The following SYT10 variants were observed in gnomAD, a reference collection of about 807,000 sequenced individuals.
SYT10 encodes the protein synaptotagmin 10, also known as synaptotagmin-10.
In SYT10, 31 loss-of-function variants were observed where a neutral mutation model predicts 51.1. The ratio of observed to expected loss-of-function variants is 0.61; its 90% CI spans 0.46 to 0.82. SYT10 has a LOEUF of 0.82. Ranked by LOEUF, SYT10 falls within the 40% of genes least tolerant of loss-of-function variation. SYT10 has a pLI of 0.00. For missense variants in SYT10, 603 were observed against 634.0 expected, an observed-to-expected ratio of 0.95 and a Z score of 0.53; for synonymous variants, 233 against 225.9, an observed-to-expected ratio of 1.03 and a Z score of -0.28.
At chr12:33,403,583 T>C (rs955209526) in intron 3 of SYT10, among the ~76,000 whole-genome samples, 11 of 152,158 alleles carry the variant, frequency 7.2e-5, no homozygotes, top group African/African-American at 2.4e-4. Flanking sequence ...TAAACTCTTT[T>C]ATGTCTGTGT....
chr12:33,409,601 C>T (rs1339003976), intron 2 of SYT10, among the ~76,000 whole-genome samples: 2 of 151,880 alleles, frequency 1.3e-5, no homozygotes, highest in Non-Finnish European at 2.9e-5. Context: ...GCGAGCTCCG[C>T]CTCCCAGGTT....
At chr12:33,412,347 C>T (rs564429511) in intron 2 of SYT10, among the ~76,000 whole-genome samples, 1 of 151,408 alleles carries the variant, frequency 6.6e-6, no homozygotes, top group Non-Finnish European at 1.5e-5. Context: ...TTAAGACAAG[C>T]TTTAATTATT....
chr12:33,407,045 T>C lies in SYT10; in HGVS notation c.821A>G (p.Tyr274Cys). The C allele has an allele frequency of 6.2e-7, 1 of 1,614,208 alleles. No homozygotes were observed. The highest frequency in any genetic ancestry group is 8.5e-7 in the Non-Finnish European group (1 of 1,180,032). Residue 274 changes from tyrosine (Y) to cysteine (C), a missense_variant, in exon 3 of 7, where the codon TAT (tyrosine) becomes TGT (cysteine). Physicochemically the swap from Tyr to Cys is radical, Grantham distance 194 (BLOSUM62 -2). Transcript: ENST00000228567. ...TGTSDPYVKM[Y>C]LLPDRKKKFQ... ...TTTCTTTTTCCTATCTGGAAGAAGA[T>C]ACATCTTCACATAAGGGTCAGAAGT...
Position 33,379,823 on chromosome 12 carries a change from C to T in SYT10, c.1500+9G>A. 1 of 1,613,630 alleles carries T rather than the reference C, an allele frequency of 6.2e-7. No individual in the cohort carries two copies. The highest frequency in any genetic ancestry group is 8.5e-7 in the Non-Finnish European group (1 of 1,179,758). On this transcript the variant is annotated intron_variant, in intron 6 of 6. Coordinates refer to ENST00000228567, the MANE Select transcript of SYT10 (RefSeq NM_198992.4). The stretch of plus-strand genomic sequence containing the variant: ...AAAAAGAGCAGACGTAAGGAACTCA[C>T]AAGCTTACCTCCAGCAATGGGTGCC...
At chr12:33,421,487 A>ACTAT (rs1309414935) in intron 2 of SYT10, among the ~76,000 whole-genome samples, 1 of 152,204 alleles carries the variant, frequency 6.6e-6, no homozygotes, top group Admixed American at 6.5e-5. Flanking sequence ...CTGTGAGAAT[A>ACTAT]CTATCATTAA....
At chr12:33,383,497 G>A (rs1239858603) in intron 4 of SYT10, among the ~76,000 whole-genome samples, 2 of 152,116 alleles carry the variant, frequency 1.3e-5, no homozygotes, top group Non-Finnish European at 2.9e-5. Context: ...GGTATTCGTG[G>A]CTGGAAATAG....
In SYT10 at chr12:33,376,166, G is replaced by T. The variant is rs1866060064; in HGVS notation, c.*664C>A. 6.6e-6 allele frequency: 1 copy of T among 152,074 alleles called. No individual in the cohort carries two copies. The highest frequency in any genetic ancestry group is 1.5e-5 in the Non-Finnish European group (1 of 67,998). 9.4% of individuals were successfully genotyped at this position (152,074 alleles called of 1,614,324 possible). On this transcript the variant is annotated 3_prime_UTR_variant, in exon 7 of 7. Transcript: ENST00000228567. ...ACAATGGCTCAGCCTCCGTTTTTCAGCCAATAAGTATTACTTCTTAAATTT... is the reference window on the plus strand; with the variant it reads ...ACAATGGCTCAGCCTCCGTTTTTCATCCAATAAGTATTACTTCTTAAATTT...
At chr12:33,423,666 A>G (rs1484950654) in intron 2 of SYT10, among the ~76,000 whole-genome samples, 2 of 152,170 alleles carry the variant, frequency 1.3e-5, no homozygotes, top group Admixed American at 6.6e-5. Context: ...TTAATTGAGT[A>G]TGATGAACAG....
intron 1 of SYT10, among the ~76,000 whole-genome samples, chr12:33,428,655 C>T (rs1357126388): frequency 1.3e-5 from 2 of 152,090 alleles, no homozygotes; most frequent in African/African-American, 2.4e-5. Context: ...GCCTGTAATC[C>T]CAGCACTTTG....
intron 1 of SYT10, among the ~76,000 whole-genome samples, chr12:33,429,770 C>T (rs981451677): frequency 1.3e-5 from 2 of 151,888 alleles, no homozygotes; most frequent in African/African-American, 2.4e-5. Flanking sequence ...GGTTGGGGAT[C>T]GAAATATTTG....
Position 33,385,675 on chromosome 12 carries a change from G to A in SYT10, c.1078-384C>T, listed in dbSNP as rs1866151121. 2.0e-5 allele frequency among the ~76,000 whole-genome samples: 3 copies of A among 152,110 alleles called. No individual in the cohort carries two copies. In the South Asian group the frequency reaches 6.2e-4, roughly 32 times the overall value. On this transcript the variant is annotated intron_variant, in intron 3 of 6. Transcript: ENST00000228567. ...TTATTCTTTTATCCTCACCCTATGA[G>A]CAACCCATGGGCAAGTCCTGTCTAC...
At chr12:33,412,689 A>G (rs1455444463) in intron 2 of SYT10, among the ~76,000 whole-genome samples, 1 of 152,216 alleles carries the variant, frequency 6.6e-6, no homozygotes, top group Non-Finnish European at 1.5e-5. Context: ...TCTGTACGTC[A>G]CCATCATCAA....
chr12:33,412,472 A>C (rs900074821), intron 2 of SYT10, among the ~76,000 whole-genome samples: 1 of 152,038 alleles, frequency 6.6e-6, no homozygotes, highest in Non-Finnish European at 1.5e-5. Flanking sequence ...CAAATATCCA[A>C]CCAATCACAG....
At position 33,382,480 on chromosome 12, in the gene SYT10, T is replaced by A; in HGVS notation, c.1239A>T (p.Arg413Ser). 1.2e-6 allele frequency: 2 copies of A among 1,613,356 alleles called. No individual in the cohort carries two copies. Among genetic ancestry groups the A allele is most frequent in the Non-Finnish European group, 1.7e-6 (2 of 1,179,582 alleles). The change falls in exon 5 of 7, where the codon AGA becomes AGT. Residue 413 changes from arginine (R) to serine (S), a missense_variant. By Grantham distance (110) the Arg-to-Ser change is moderately radical (BLOSUM62 -1). Coordinates refer to ENST00000228567, the MANE Select transcript of SYT10 (RefSeq NM_198992.4). ...VKVSLMCEGRRLKKRKTTTKK... is the reference protein window; with the variant it reads ...VKVSLMCEGRSLKKRKTTTKK... The stretch of plus-strand genomic sequence containing the variant: ...TTGTAGTTGTTTTCCTCTTTTTTAA[T>A]CTTCGACCTTCACACATCAGGGACA...
At chr12:33,416,308 C>G (rs1866453299) in intron 2 of SYT10, among the ~76,000 whole-genome samples, 1 of 152,064 alleles carries the variant, frequency 6.6e-6, no homozygotes. Flanking sequence ...GCCTCCAAAT[C>G]CTGACCTTAG....
At chr12:33,439,281 C>G in intron 1 of SYT10, 91 bp downstream of exon 1, 1 of 1,470,776 alleles carries the variant, frequency 6.8e-7, no homozygotes, top group South Asian at 1.3e-5. Flanking sequence ...GCCGCGGGAG[C>G]GGCGCGGGAG....
At chr12:33,428,587 G>T (rs1289828756) in intron 1 of SYT10, among the ~76,000 whole-genome samples, 1 of 152,184 alleles carries the variant, frequency 6.6e-6, no homozygotes, top group Non-Finnish European at 1.5e-5. Flanking sequence ...AGCAGATGTT[G>T]TGTTAACCAG....
At chr12:33,413,100 TAATGA>T (rs1237288513) in intron 2 of SYT10, among the ~76,000 whole-genome samples, 3 of 151,972 alleles carry the variant, frequency 2.0e-5, no homozygotes, top group African/African-American at 7.3e-5. Context: ...AAGATCAAAT[TAATGA>T]AATGAAGCGA....
intron 5 of SYT10, 29 bp downstream of exon 5, chr12:33,382,320 C>A: frequency 6.6e-7 from 1 of 1,509,446 alleles, no homozygotes; most frequent in Non-Finnish European, 8.8e-7. Context: ...GACATGGCTG[C>A]TCTTCAGTGA....
Sources: gnomAD v4.1 joint callset for allele counts (sites outside exome capture counted in the v4.1 genomes callset) on GRCh38, gnomAD v4.1.1 for gene constraint, MANE v1.5 for transcripts, NCBI Gene and HGNC (gene_info 2026-07-23, HGNC 2026-07-21) for gene names.